HYCC1: variants seen among roughly 807,000 people sequenced by gnomAD.
HYCC1 encodes the protein hyccin.
At chr7:22,930,467 G>C in the HYCC1 span, among the ~76,000 whole-genome samples, 1 of 150,896 alleles carries the variant, frequency 6.6e-6, no homozygotes, top group Admixed American at 6.6e-5. Context: ...AGATAAACTA[G>C]TAATCAAAAA....
chr7:22,904,816 C>T, the HYCC1 span, among the ~76,000 whole-genome samples: 2 of 148,950 alleles, frequency 1.3e-5, no homozygotes, highest in Admixed American at 6.7e-5. Context: ...TGGTGGTATG[C>T]ACCTGTAGTC....
the HYCC1 span, among the ~76,000 whole-genome samples, chr7:22,904,063 T>G: frequency 2.6e-4 from 40 of 152,118 alleles, 1 homozygote; most frequent in Non-Finnish European, 4.1e-4. Context: ...ATGTATAACA[T>G]AGTAAGACCA....
the HYCC1 span, among the ~76,000 whole-genome samples, chr7:23,010,710 A>AC: frequency 4.6e-5 from 7 of 152,104 alleles, no homozygotes; most frequent in East Asian, 1.9e-4. Flanking sequence ...TGGGTTCAAC[A>AC]CCCCCCCACA....
At chr7:23,013,380 G>C in the HYCC1 span, among the ~76,000 whole-genome samples, 2 of 152,244 alleles carry the variant, frequency 1.3e-5, no homozygotes, top group Non-Finnish European at 2.9e-5. Flanking sequence ...GCTCTCCAGG[G>C]GGCGAGGGCG....
At chr7:22,982,605 T>G in the HYCC1 span, among the ~76,000 whole-genome samples, 1 of 152,162 alleles carries the variant, frequency 6.6e-6, no homozygotes, top group Admixed American at 6.5e-5. Context: ...ATTATGTACT[T>G]CAGATCCCTC....
the HYCC1 span, chr7:22,940,281 T>C: frequency 7.1e-6 from 1 of 141,216 alleles, no homozygotes; most frequent in African/African-American, 2.7e-5. Flanking sequence ...AGATAGAGTC[T>C]CACTCTGTTG....
At chr7:22,920,889 T>A in the HYCC1 span, among the ~76,000 whole-genome samples, 3 of 152,158 alleles carry the variant, frequency 2.0e-5, no homozygotes, top group Non-Finnish European at 4.4e-5. Flanking sequence ...GGTGATGAGT[T>A]CTTGCTCAGC....
At chr7:23,005,044 A>T in the HYCC1 span, among the ~76,000 whole-genome samples, 1 of 152,142 alleles carries the variant, frequency 6.6e-6, no homozygotes. Flanking sequence ...TGACCTCGCG[A>T]TCCGCCCGCC....
At chr7:22,944,250 C>G in the HYCC1 span, 2 of 152,166 alleles carry the variant, frequency 1.3e-5, no homozygotes, top group Admixed American at 6.6e-5. Flanking sequence ...CTCTCTCACT[C>G]TGAATGATGA....
the HYCC1 span, among the ~76,000 whole-genome samples, chr7:23,002,056 AC>A: frequency 6.6e-6 from 1 of 150,444 alleles, no homozygotes; most frequent in Non-Finnish European, 1.5e-5. Flanking sequence ...ATCTCAAAGC[AC>A]TATAAAAATT....
chr7:22,921,650 T>C, the HYCC1 span, among the ~76,000 whole-genome samples: 1 of 152,150 alleles, frequency 6.6e-6, no homozygotes, highest in African/African-American at 2.4e-5. Flanking sequence ...CCCACACCCA[T>C]GTGTCCCATA....
chr7:22,978,192 T>G, the HYCC1 span: 1 of 1,329,918 alleles, frequency 7.5e-7, no homozygotes. Flanking sequence ...CTAGCTTTAT[T>G]AAAATGAAAA....
the HYCC1 span, among the ~76,000 whole-genome samples, chr7:22,932,122 T>C: frequency 6.6e-6 from 1 of 152,176 alleles, no homozygotes; most frequent in African/African-American, 2.4e-5. Context: ...CAATCAACCA[T>C]CTTATCAGAA....
the HYCC1 span, among the ~76,000 whole-genome samples, chr7:22,903,863 C>T: frequency 3.9e-4 from 60 of 152,114 alleles, 1 homozygote; most frequent in Admixed American, 3.0e-3. Flanking sequence ...GGTGGACAAC[C>T]ACTGGATAAA....
At chr7:22,928,541 AACAG>A in the HYCC1 span, among the ~76,000 whole-genome samples, 1 of 152,328 alleles carries the variant, frequency 6.6e-6, no homozygotes, top group East Asian at 1.9e-4. Context: ...ATACACCAAT[AACAG>A]ACAAACAGAG....
At chr7:22,896,971 C>T in the HYCC1 span, among the ~76,000 whole-genome samples, 7 of 142,390 alleles carry the variant, frequency 4.9e-5, no homozygotes, top group African/African-American at 1.8e-4. Flanking sequence ...CAAAGAGGCA[C>T]TTAATAAAGT....
the HYCC1 span, among the ~76,000 whole-genome samples, chr7:23,010,579 G>C: frequency 6.6e-6 from 1 of 152,172 alleles, no homozygotes. Context: ...TTTTGATTAT[G>C]GTGATGGTTT....
chr7:22,898,584 CTTTTCTTTTCTTTTCTTTTCT>C, the HYCC1 span, among the ~76,000 whole-genome samples: 1 of 55,334 alleles, frequency 1.8e-5, no homozygotes, highest in African/African-American at 6.0e-5. Context: ...TATTTCTTTT[CTTTTCTTTTCTTTTCTTTTCT>C]TTTTTTTTTT....
chr7:22,991,013 C>G, the HYCC1 span: 1 of 1,349,158 alleles, frequency 7.4e-7, no homozygotes, highest in East Asian at 2.3e-5. Flanking sequence ...AAACGCCAGA[C>G]AAAACTTCCT....
Sources: allele counts gnomAD v4.1 joint callset (sites outside exome capture counted in the v4.1 genomes callset), GRCh38; gene constraint gnomAD v4.1.1; transcripts MANE v1.5; gene names NCBI Gene and HGNC (gene_info 2026-07-23, HGNC 2026-07-21).